Variants in FAT4 observed in about 807,000 individuals in gnomAD.
FAT4 encodes protocadherin Fat 4.
FAT4 carries 84 observed loss-of-function variants against 303.9 expected under a neutral mutation model. That is an observed-to-expected ratio of 0.28 (90% CI 0.23 to 0.33). FAT4 has a LOEUF of 0.33. Ranked by LOEUF, FAT4 falls within the 10% of genes least tolerant of loss-of-function variation. The pLI is 1.00. For missense variants in FAT4, 6,005 were observed against 6,146.8 expected (o/e 0.98, Z 0.77); for synonymous variants, 2,307 against 2,298.8 (o/e 1.00, Z -0.10).
chr4:125,447,086 G>A (rs1022610344), intron 9 of FAT4, among the ~76,000 whole-genome samples: 13 of 151,988 alleles, frequency 8.6e-5, no homozygotes, highest in Admixed American at 7.9e-4. Flanking sequence ...AAACTGTTCT[G>A]TTAGCAAGTT....
intron 2 of FAT4, among the ~76,000 whole-genome samples, chr4:125,322,122 T>G (rs1203643130): frequency 6.6e-6 from 1 of 152,194 alleles, no homozygotes; most frequent in Non-Finnish European, 1.5e-5. Context: ...GTGACTAATT[T>G]TAATGTGCTG....
chr4:125,315,781 T>TA lies in FAT4; in HGVS notation c.-209_-208insA, dbSNP rs1413384290. ...CTGCCTGCGCGCAGACGCCGCCGCC[T>TA]GGGCCTCAGCGGCCACTGCCGGCGC... is the stretch of plus-strand genomic sequence containing the variant. On this transcript the variant is annotated 5_prime_UTR_variant, in exon 1 of 18. Transcript: ENST00000394329. Among the ~76,000 whole-genome samples the TA allele has an allele frequency of 4.6e-5, 7 of 152,254 alleles. No homozygotes were observed. The East Asian group carries it at 1.4e-3, about 30-fold the overall frequency.
rs773857165 is a variant in FAT4, at chr4:125,487,625, TAG to T, written c.13084+22_13084+23del. On this transcript the variant is annotated intron_variant, in intron 17 of 17. Coordinates refer to ENST00000394329, the MANE Select transcript of FAT4 (RefSeq NM_001291303.3). ...CAAACAGGTAAATGCCTTTATTAAG[TAG>T]AGTCACAAGGGAAGTAAAATTGTTC... 3 of 1,573,426 alleles carry T rather than the reference TAG, an allele frequency of 1.9e-6. No individual in the cohort carries two copies. In the African/African-American group the frequency reaches 4.1e-5, roughly 21 times the overall value.
intron 2 of FAT4, among the ~76,000 whole-genome samples, chr4:125,341,958 T>C (rs1181539453): frequency 6.6e-6 from 1 of 152,034 alleles, no homozygotes; most frequent in African/African-American, 2.4e-5. Context: ...TTTCTTCATT[T>C]TATAAAATGT....
In FAT4 at chr4:125,321,182, G is replaced by A; in HGVS notation, c.4771G>A (p.Val1591Met). ...SGDLRVASAL[V>M]PSQLIYNLIV... Reference sequence around the variant, plus strand: ...AGACCTGAGAGTGGCTTCAGCGTTGGTGCCTTCACAGTTGATCTACAATCT... The same window carrying A: ...AGACCTGAGAGTGGCTTCAGCGTTGATGCCTTCACAGTTGATCTACAATCT... The change falls in exon 2 of 18, where the codon GTG (valine) becomes ATG (methionine). Residue 1591 changes from valine to methionine, a missense_variant. Val to Met is a conservative substitution (Grantham distance 21). Transcript: ENST00000394329. The A allele has an allele frequency of 6.2e-7, 1 of 1,614,150 alleles. No individual in the cohort carries two copies. Among genetic ancestry groups the A allele is most frequent in the Non-Finnish European group, 8.5e-7 (1 of 1,180,014 alleles).
Position 125,317,305 on chromosome 4 carries a change from G to T in FAT4, c.894G>T (p.Met298Ile), listed in dbSNP as rs1302960593. 5 of 1,601,114 alleles carry T rather than the reference G, an allele frequency of 3.1e-6. No individual in the cohort carries two copies. Among genetic ancestry groups the T allele is most frequent in the Non-Finnish European group, 4.3e-6 (5 of 1,171,454 alleles). ...RLQDEGTPFQMDPETGLITVR... is the reference protein window; with the variant it reads ...RLQDEGTPFQIDPETGLITVR... Reference sequence around the variant, plus strand: ...AGGACGAGGGGACCCCCTTCCAAATGGACCCTGAGACGGGACTTATCACGG... The same window carrying T: ...AGGACGAGGGGACCCCCTTCCAAATTGACCCTGAGACGGGACTTATCACGG... Residue 298 changes from methionine (M) to isoleucine (I), a missense_variant, in exon 2 of 18, where the codon ATG (methionine) becomes ATT (isoleucine). Met to Ile is a conservative substitution (Grantham distance 10, BLOSUM62 1). Coordinates refer to ENST00000394329, the MANE Select transcript of FAT4 (RefSeq NM_001291303.3). This position sits in a 1 kb window ranked among gnomAD's most constrained non-coding sequence, Gnocchi z 7.0.
chr4:125,471,411 G>A (rs561296911), intron 12 of FAT4, among the ~76,000 whole-genome samples: 2 of 152,256 alleles, frequency 1.3e-5, no homozygotes, highest in African/African-American at 4.8e-5. Context: ...GCAATAAAGT[G>A]AAGAGCAATA....
rs191464347 is a variant in FAT4 at position 125,425,173 on chromosome 4, C to A, written c.7018+8551C>A. Among the ~76,000 whole-genome samples, 47 of 152,190 alleles carry A rather than the reference C, an allele frequency of 3.1e-4. 2 individuals are homozygous for A. Among genetic ancestry groups the A allele is most frequent in the Admixed American group, 2.7e-3 (42 of 15,286 alleles). On this transcript the variant is annotated intron_variant, in intron 7 of 17. Coordinates refer to ENST00000394329, the MANE Select transcript of FAT4 (RefSeq NM_001291303.3). ...AGTTCCAGAATATGTATTATATTATCTCATTTAATCTCACAATAGCCCTGA... is the reference window on the plus strand; with the variant it reads ...AGTTCCAGAATATGTATTATATTATATCATTTAATCTCACAATAGCCCTGA...
At position 125,318,891 on chromosome 4, in the gene FAT4, G is replaced by C; in HGVS notation, c.2480G>C (p.Ser827Thr). ...ACCATGGATCTCAATTCCAACATCA[G>C]TTATCTCATTACTACTGGGGATCAG... ...ASTMDLNSNI[S>T]YLITTGDQKG... The change falls in exon 2 of 18, where the codon AGT (serine) becomes ACT (threonine). Residue 827 changes from serine (S) to threonine (T), a missense_variant. Ser to Thr is a moderately conservative substitution (Grantham distance 58). Coordinates refer to ENST00000394329, the MANE Select transcript of FAT4 (RefSeq NM_001291303.3). 1.2e-6 allele frequency: 2 copies of C among 1,614,160 alleles called. No homozygotes were observed. Among genetic ancestry groups the C allele is most frequent in the Admixed American group, 1.7e-5 (1 of 60,016 alleles).
At chr4:125,375,604 A>C (rs752086927) in intron 2 of FAT4, among the ~76,000 whole-genome samples, 1 of 152,186 alleles carries the variant, frequency 6.6e-6, no homozygotes, top group African/African-American at 2.4e-5. Context: ...CTGCACTAAG[A>C]GTAAACTTTC....
At chr4:125,472,351 C>T (rs1226638203) in intron 12 of FAT4, among the ~76,000 whole-genome samples, 8 of 152,014 alleles carry the variant, frequency 5.3e-5, no homozygotes, top group African/African-American at 1.7e-4. Flanking sequence ...ATTTTTGCCA[C>T]TAAATGTATG....
intron 2 of FAT4, among the ~76,000 whole-genome samples, chr4:125,340,707 G>C (rs180852482): frequency 1.3e-5 from 2 of 152,294 alleles, no homozygotes; most frequent in African/African-American, 4.8e-5. Context: ...CTAGTTCTTT[G>C]AAGTAGTAGT....
chr4:125,417,544 G>T (rs1172434130), intron 7 of FAT4, among the ~76,000 whole-genome samples: 1 of 152,126 alleles, frequency 6.6e-6, no homozygotes, highest in Non-Finnish European at 1.5e-5. Context: ...GAAATATGCA[G>T]ATCAGATGTG....
intron 7 of FAT4, among the ~76,000 whole-genome samples, chr4:125,430,157 TAA>T (rs10537393): frequency 0.61 from 87,690 of 143,648 alleles, 26,338 homozygotes; most frequent in Admixed American, 0.66. Context: ...ACTTAAAGTA[TAA>T]AAAAAAAAAA....
intron 2 of FAT4, among the ~76,000 whole-genome samples, chr4:125,390,049 GA>G (rs1311845162): frequency 6.6e-6 from 1 of 151,954 alleles, no homozygotes; most frequent in Non-Finnish European, 1.5e-5. Flanking sequence ...CCAAAATAGG[GA>G]AAAAAATGAA....
chr4:125,406,027 T>C (rs1734590681), intron 3 of FAT4, among the ~76,000 whole-genome samples: 1 of 152,186 alleles, frequency 6.6e-6, no homozygotes, highest in Non-Finnish European at 1.5e-5. Flanking sequence ...TTTAGTTTGA[T>C]ATACTTTCAC....
chr4:125,341,239 G>T (rs1214033533), intron 2 of FAT4, among the ~76,000 whole-genome samples: 2 of 152,096 alleles, frequency 1.3e-5, no homozygotes, highest in African/African-American at 4.8e-5. Flanking sequence ...ATGGCTCTAT[G>T]AGCTATCCCT....
chr4:125,332,500 T>A (rs978295299), intron 2 of FAT4, among the ~76,000 whole-genome samples: 1 of 152,170 alleles, frequency 6.6e-6, no homozygotes, highest in Non-Finnish European at 1.5e-5. Flanking sequence ...ATTTGAATAT[T>A]CAGTGTTTGT....
At position 125,452,788 on chromosome 4, in the gene FAT4, T is replaced by C. The variant is rs752164383; in HGVS notation, c.11778T>C (p.Cys3926=). 2 of 1,612,408 alleles carry C rather than the reference T, an allele frequency of 1.2e-6. No individual in the cohort carries two copies. The highest frequency in any genetic ancestry group is 2.2e-5 in the East Asian group (1 of 44,846). The change falls in exon 10 of 18, where the codon TGT becomes TGC. Residue 3926 remains cysteine (C), a synonymous_variant. Coordinates refer to ENST00000394329, the MANE Select transcript of FAT4 (RefSeq NM_001291303.3). ...AGAATTTTCCAGGAAGCTTCAACTG[T>C]GTTTGCAAAACTGGATACACAGGTA... ...ICQNFPGSFN[C]VCKTGYTGKM... is the part of the protein sequence containing the mutation.
Sources: gnomAD v4.1 joint callset for allele counts (sites outside exome capture counted in the v4.1 genomes callset) on GRCh38, gnomAD v4.1.1 for gene constraint, Gnocchi (gnomAD v3.1) non-coding constraint, MANE v1.5 for transcripts, NCBI Gene and HGNC (gene_info 2026-07-23, HGNC 2026-07-21) for gene names.